Variants in ANKH observed in about 807,000 individuals in gnomAD.
The protein encoded by ANKH is mineralization regulator ANKH.
ANKH carries 15 observed loss-of-function variants against 49.0 expected under a neutral mutation model. The ratio of observed to expected loss-of-function variants is 0.31; its 90% CI spans 0.20 to 0.47. The LOEUF (loss-of-function observed/expected upper bound fraction) is 0.47, where lower values mean the gene tolerates loss of function less well. ANKH is among the 20% of genes least tolerant of loss of function. The pLI is 1.00. For synonymous variants in ANKH, 273 were observed against 260.0 expected (o/e 1.05, Z -0.48); for missense variants, 429 against 652.0 (o/e 0.66, Z 3.72).
intron 8 of ANKH, among the ~76,000 whole-genome samples, chr5:14,733,364 C>T (rs565840994): frequency 6.6e-6 from 1 of 152,302 alleles, no homozygotes; most frequent in African/African-American, 2.4e-5. Context: ...ACACAGTAGT[C>T]AGCCTTTAAG....
Position 14,710,727 on chromosome 5 carries a change from G to T in ANKH, c.*470C>A, listed in dbSNP as rs572034504. On this transcript the variant is annotated 3_prime_UTR_variant, in exon 12 of 12. Coordinates refer to ENST00000284268, the MANE Select transcript of ANKH (RefSeq NM_054027.6). ...GAGGCCACCGGGGCTCCATCTCTTT[G>T]TACGGCCATGTGACTGGGAAGCAAA... 2 of 198,308 alleles carry T rather than the reference G, an allele frequency of 1.0e-5. No homozygotes were observed. The highest frequency in any genetic ancestry group is 2.3e-5 in the African/African-American group (1 of 42,742). The allele number at this position is 198,308 out of a possible 1,614,324, so 12.3% of individuals were successfully genotyped here. A position where few individuals can be genotyped will look rare whatever the true frequency, so the allele number is the denominator to read the frequency against.
chr5:14,736,001 CCTAA>C lies in ANKH; in HGVS notation c.1011+5822_1011+5825del, dbSNP rs1329515708. On this transcript the variant is annotated intron_variant, in intron 8 of 11. Transcript: ENST00000284268. ...GGCTCAGAAAGATCCAGAGTAAAAA[CCTAA>C]CTTTTTTTTTTTTTTTTTTTTTTTT... Among the ~76,000 whole-genome samples the C allele has an allele frequency of 1.2e-3, 165 of 142,682 alleles. 1 individual carries two copies. Among genetic ancestry groups the C allele is most frequent in the Middle Eastern group, 3.7e-3 (1 of 272 alleles). The allele number at this position is 142,682 out of a possible 152,430, so 93.6% of individuals were successfully genotyped here.
chr5:14,731,481 A>T (rs1039337599), intron 8 of ANKH, among the ~76,000 whole-genome samples: 3 of 152,182 alleles, frequency 2.0e-5, no homozygotes, highest in African/African-American at 7.2e-5. Flanking sequence ...TCCAAACCCC[A>T]GCTCTCTCTC....
chr5:14,784,158 G>A (rs1363174424), intron 1 of ANKH, among the ~76,000 whole-genome samples: 2 of 152,236 alleles, frequency 1.3e-5, no homozygotes, highest in Non-Finnish European at 1.5e-5. Flanking sequence ...TCTTGAACAT[G>A]ACTTCACATG....
intron 8 of ANKH, among the ~76,000 whole-genome samples, chr5:14,735,857 G>A (rs1469491895): frequency 1.3e-5 from 2 of 152,088 alleles, no homozygotes; most frequent in East Asian, 3.9e-4. Flanking sequence ...TGGGGGTTAG[G>A]ACTTTAACAT....
At chr5:14,848,351 C>CACACAGACAGGGACAATGATAGGGATATA (rs1554010162) in intron 1 of ANKH, among the ~76,000 whole-genome samples, 5 of 152,202 alleles carry the variant, frequency 3.3e-5, no homozygotes, top group Non-Finnish European at 7.3e-5. Context: ...CGCCTGAGAG[C>CACACAGACAGGGACAATGATAGGGATATA]ACACAGACAG....
chr5:14,723,912 C>A (rs1737745766), intron 8 of ANKH, among the ~76,000 whole-genome samples: 1 of 152,192 alleles, frequency 6.6e-6, no homozygotes, highest in Non-Finnish European at 1.5e-5. Flanking sequence ...TGGGCTGCAG[C>A]TTTTTTATTC....
At chr5:14,762,593 T>C (rs1561043663) in intron 2 of ANKH, among the ~76,000 whole-genome samples, 1 of 152,226 alleles carries the variant, frequency 6.6e-6, no homozygotes, top group Non-Finnish European at 1.5e-5. Flanking sequence ...CCCTACATGA[T>C]AGAGGAGTCT....
intron 8 of ANKH, among the ~76,000 whole-genome samples, chr5:14,740,643 TC>T (rs1738325065): frequency 6.6e-6 from 1 of 152,168 alleles, no homozygotes; most frequent in African/African-American, 2.4e-5. Flanking sequence ...CTTGTGACAA[TC>T]TAATTAGGTG....
At chr5:14,776,528 C>T (rs965596357) in intron 1 of ANKH, among the ~76,000 whole-genome samples, 2 of 152,154 alleles carry the variant, frequency 1.3e-5, no homozygotes, top group African/African-American at 2.4e-5. Context: ...AAGGATGTGG[C>T]GAGCCTTCTA....
At chr5:14,840,292 A>C (rs545762912) in intron 1 of ANKH, among the ~76,000 whole-genome samples, 1 of 152,344 alleles carries the variant, frequency 6.6e-6, no homozygotes, top group East Asian at 1.9e-4. Flanking sequence ...TATTCAAGAT[A>C]TAGTTTAAAG....
intron 8 of ANKH, among the ~76,000 whole-genome samples, chr5:14,721,523 T>G (rs1040189246): frequency 3.3e-5 from 5 of 152,256 alleles, no homozygotes; most frequent in Non-Finnish European, 5.9e-5. Flanking sequence ...CTTGCTATGC[T>G]TCCAGTAGGA....
At chr5:14,810,805 CA>C (rs1179663005) in intron 1 of ANKH, among the ~76,000 whole-genome samples, 1 of 152,080 alleles carries the variant, frequency 6.6e-6, no homozygotes, top group Non-Finnish European at 1.5e-5. Flanking sequence ...AAAAAACAAA[CA>C]AAAAAAGCAG....
intron 1 of ANKH, among the ~76,000 whole-genome samples, chr5:14,819,377 G>A (rs1257696373): frequency 2.0e-5 from 3 of 152,208 alleles, no homozygotes; most frequent in Admixed American, 6.5e-5. Flanking sequence ...GAAAATCTGC[G>A]GCGAGGGCCT....
chr5:14,806,354 A>G (rs570174916), intron 1 of ANKH, among the ~76,000 whole-genome samples: 4 of 152,058 alleles, frequency 2.6e-5, no homozygotes, highest in Admixed American at 6.6e-5. Context: ...ATAGAAGCCT[A>G]CTGCTTAGTC....
chr5:14,786,518 C>A (rs1198106099), intron 1 of ANKH, among the ~76,000 whole-genome samples: 1 of 152,156 alleles, frequency 6.6e-6, no homozygotes, highest in Non-Finnish European at 1.5e-5. Flanking sequence ...CTTGCCTTAG[C>A]AGATATTTAA....
At chr5:14,740,595 C>T (rs1003108979) in intron 8 of ANKH, among the ~76,000 whole-genome samples, 6 of 152,242 alleles carry the variant, frequency 3.9e-5, no homozygotes, top group Non-Finnish European at 7.3e-5. Flanking sequence ...GAGGTCATGA[C>T]TCGGCAGTGT....
chr5:14,849,390 C>T (rs1168282074), intron 1 of ANKH, among the ~76,000 whole-genome samples: 3 of 152,160 alleles, frequency 2.0e-5, no homozygotes, highest in Non-Finnish European at 4.4e-5. Context: ...TAGCTGTATA[C>T]ATGTATTCCA....
intron 1 of ANKH, among the ~76,000 whole-genome samples, chr5:14,844,659 A>G (rs1389031981): frequency 6.6e-6 from 1 of 152,232 alleles, no homozygotes; most frequent in East Asian, 1.9e-4. Context: ...GTGGCTATTT[A>G]AAGACGAGCC....
Sources: gnomAD v4.1 joint callset for allele counts (sites outside exome capture counted in the v4.1 genomes callset) on GRCh38, gnomAD v4.1.1 for gene constraint, MANE v1.5 for transcripts, NCBI Gene and HGNC (gene_info 2026-07-23, HGNC 2026-07-21) for gene names.